The following DNER variants were observed in gnomAD, a reference collection of about 807,000 sequenced individuals.
DNER encodes the protein delta/notch like EGF repeat containing, also known as delta and Notch-like epidermal growth factor-related receptor.
DNER carries 33 observed loss-of-function variants against 78.2 expected under a neutral mutation model. The ratio of observed to expected loss-of-function variants is 0.42; its 90% CI spans 0.32 to 0.56. DNER has a LOEUF of 0.56. DNER is among the 20% of genes least tolerant of loss of function. The probability of loss-of-function intolerance (pLI) is 0.11; values close to 1 mark genes in which losing one functional copy is unlikely to be tolerated. For synonymous variants in DNER, 417 were observed against 384.8 expected (o/e 1.08, Z -0.98); for missense variants, 918 against 975.3 (o/e 0.94, Z 0.78).
chr2:229,448,591 G>A (rs1301440082), intron 7 of DNER, among the ~76,000 whole-genome samples: 1 of 151,994 alleles, frequency 6.6e-6, no homozygotes, highest in African/African-American at 2.4e-5. Flanking sequence ...TTTAAATATG[G>A]TTACTGTGTA....
At chr2:229,593,759 CAAG>C (rs201124644) in intron 1 of DNER, among the ~76,000 whole-genome samples, 1,684 of 152,232 alleles carry the variant, frequency 0.011, 47 homozygotes, top group African/African-American at 0.038. Flanking sequence ...AATTATGCAA[CAAG>C]AAGAAGAATT....
chr2:229,452,456 G>A (rs1424075517), intron 7 of DNER, among the ~76,000 whole-genome samples: 2 of 152,008 alleles, frequency 1.3e-5, no homozygotes, highest in African/African-American at 4.8e-5. Flanking sequence ...AATAGGGACT[G>A]GCAGGGTCTG....
intron 11 of DNER, among the ~76,000 whole-genome samples, chr2:229,375,143 T>C (rs13432559): frequency 0.12 from 18,052 of 152,218 alleles, 1,804 homozygotes; most frequent in East Asian, 0.52. Context: ...CCCAAAAGTA[T>C]CTAGTTTACC....
chr2:229,709,069 A>C (rs1699871337), intron 1 of DNER, among the ~76,000 whole-genome samples: 1 of 152,248 alleles, frequency 6.6e-6, no homozygotes, highest in East Asian at 1.9e-4. Flanking sequence ...CCTAGTAGAG[A>C]GAAAAAGCTG....
intron 1 of DNER, among the ~76,000 whole-genome samples, chr2:229,597,015 A>G (rs1171170464): frequency 6.6e-6 from 1 of 151,096 alleles, no homozygotes; most frequent in African/African-American, 2.4e-5. Context: ...ACATGCACAC[A>G]CACATGCACA....
At chr2:229,620,525 G>T (rs910112077) in intron 1 of DNER, among the ~76,000 whole-genome samples, 1 of 152,196 alleles carries the variant, frequency 6.6e-6, no homozygotes, top group Non-Finnish European at 1.5e-5. Context: ...GAGATGAGCC[G>T]CAGCCTCGAG....
chr2:229,397,577 A>C (rs1693176680), intron 10 of DNER, among the ~76,000 whole-genome samples: 1 of 152,068 alleles, frequency 6.6e-6, no homozygotes, highest in Non-Finnish European at 1.5e-5. Flanking sequence ...CAGAATGCAC[A>C]ATCTTTTCAA....
At chr2:229,360,895 C>T (rs374565911) in intron 12 of DNER, among the ~76,000 whole-genome samples, 11 of 152,262 alleles carry the variant, frequency 7.2e-5, no homozygotes, top group East Asian at 5.8e-4. Flanking sequence ...ATGCTAGTTA[C>T]GAAGGTGGTT....
intron 6 of DNER, among the ~76,000 whole-genome samples, chr2:229,488,177 CT>C (rs1695317734): frequency 6.6e-6 from 1 of 152,188 alleles, no homozygotes; most frequent in African/African-American, 2.4e-5. Context: ...GGGCAATGCC[CT>C]TGCAGAAGAA....
At chr2:229,392,676 A>T in intron 10 of DNER, among the ~76,000 whole-genome samples, 1 of 152,314 alleles carries the variant, frequency 6.6e-6, no homozygotes, top group South Asian at 2.1e-4. Flanking sequence ...TGGATTACCC[A>T]GTACAGTCAG....
chr2:229,693,142 T>C (rs190657185), intron 1 of DNER, among the ~76,000 whole-genome samples: 1,531 of 152,070 alleles, frequency 0.01, 11 homozygotes, highest in Non-Finnish European at 0.016. Flanking sequence ...CCCATGCTGC[T>C]GTTCTCATGA....
At chr2:229,611,882 T>A (rs777904520) in intron 1 of DNER, among the ~76,000 whole-genome samples, 1 of 152,216 alleles carries the variant, frequency 6.6e-6, no homozygotes, top group Non-Finnish European at 1.5e-5. Context: ...ACCGTCTCCA[T>A]AACCACTCAG....
chr2:229,570,545 T>C lies in DNER; in HGVS notation c.847+15313A>G, dbSNP rs554637200. On this transcript the variant is annotated intron_variant, in intron 4 of 12. Transcript: ENST00000341772. ...GGGAGGCTGAGGCAGGAGAATCCTT[T>C]GAACCTGGGAGGCAGAGGTTGCAGT... Among the ~76,000 whole-genome samples the C allele has an allele frequency of 7.9e-5, 12 of 151,620 alleles. No homozygotes were observed. The South Asian group carries it at 2.5e-3, about 32-fold the overall frequency.
intron 5 of DNER, among the ~76,000 whole-genome samples, chr2:229,519,805 A>G (rs1305716888): frequency 6.6e-6 from 1 of 152,134 alleles, no homozygotes; most frequent in Non-Finnish European, 1.5e-5. Flanking sequence ...GTGGCATTTT[A>G]GTTCTCACTC....
Position 229,367,093 on chromosome 2 carries a change from C to A in DNER, c.1882G>T (p.Ala628Ser). 1 of 1,614,106 alleles carries A rather than the reference C, an allele frequency of 6.2e-7. No homozygotes were observed. Among genetic ancestry groups the A allele is most frequent in the African/African-American group, 1.3e-5 (1 of 75,044 alleles). ...CGTGGCATGTTGGTGAGGCTCTCCGCCATGTGCCCGGACTTCCATTGGAGG... is the reference window on the plus strand; with the variant it reads ...CGTGGCATGTTGGTGAGGCTCTCCGACATGTGCCCGGACTTCCATTGGAGG... ...IHLQWKSGHMAESLTNMPRHS... is the reference protein window; with the variant it reads ...IHLQWKSGHMSESLTNMPRHS... The change falls in exon 12 of 13, where the codon GCG becomes TCG. Residue 628 changes from alanine to serine, a missense_variant. Ala to Ser is a moderately conservative substitution (Grantham distance 99). Coordinates refer to ENST00000341772, the MANE Select transcript of DNER (RefSeq NM_139072.4).
intron 5 of DNER, among the ~76,000 whole-genome samples, chr2:229,529,817 G>A (rs769645305): frequency 6.6e-6 from 1 of 152,178 alleles, no homozygotes; most frequent in Non-Finnish European, 1.5e-5. Flanking sequence ...AGACCAGCCT[G>A]GGCAACATAG....
At chr2:229,707,435 C>T (rs990991822) in intron 1 of DNER, among the ~76,000 whole-genome samples, 1 of 152,150 alleles carries the variant, frequency 6.6e-6, no homozygotes, top group Non-Finnish European at 1.5e-5. Flanking sequence ...CCAGAACAGA[C>T]CTGGCACAAG....
chr2:229,362,466 C>CATCACCT (rs1692239439), intron 12 of DNER, among the ~76,000 whole-genome samples: 1 of 152,214 alleles, frequency 6.6e-6, no homozygotes, highest in Admixed American at 6.5e-5. Flanking sequence ...CATTGAAAGG[C>CATCACCT]ATCACCTTCA....
At chr2:229,416,988 T>C (rs1005123858) in intron 9 of DNER, among the ~76,000 whole-genome samples, 6 of 152,102 alleles carry the variant, frequency 3.9e-5, no homozygotes, top group African/African-American at 1.2e-4. Context: ...AGGTAATAGA[T>C]AGATAGACTC....
Sources: allele counts gnomAD v4.1 joint callset (sites outside exome capture counted in the v4.1 genomes callset), GRCh38; gene constraint gnomAD v4.1.1; transcripts MANE v1.5; gene names NCBI Gene and HGNC (gene_info 2026-07-23, HGNC 2026-07-21).